Variants in KCNIP1 observed in about 807,000 individuals in gnomAD.
KCNIP1 encodes the protein potassium voltage-gated channel interacting protein 1.
Under a neutral mutation model 33.0 loss-of-function variants are expected in KCNIP1, and 18 were observed. That is an observed-to-expected ratio of 0.55 (90% confidence interval 0.38 to 0.81). The LOEUF is 0.81. Ranked by LOEUF, KCNIP1 falls within the 30% of genes least tolerant of loss-of-function variation. The pLI, the probability that KCNIP1 is intolerant of heterozygous loss-of-function variation, is 0.00. For synonymous variants in KCNIP1, 93 were observed against 98.3 expected (o/e 0.95, Z 0.32); for missense variants, 238 against 271.6 (o/e 0.88, Z 0.87).
At chr5:170,701,700 G>C (rs1385902535) in intron 1 of KCNIP1, among the ~76,000 whole-genome samples, 1 of 152,180 alleles carries the variant, frequency 6.6e-6, no homozygotes, top group Non-Finnish European at 1.5e-5. Context: ...CCATGAGTGG[G>C]GAGGAAACTC....
chr5:170,617,835 C>T (rs916969767), intron 1 of KCNIP1, among the ~76,000 whole-genome samples: 11 of 152,178 alleles, frequency 7.2e-5, no homozygotes, highest in Non-Finnish European at 1.3e-4. Flanking sequence ...ATTCTCTGTG[C>T]AGTGAATGGC....
intron 1 of KCNIP1, among the ~76,000 whole-genome samples, chr5:170,419,656 C>T (rs183398): frequency 0.74 from 111,838 of 152,118 alleles, 42,012 homozygotes; most frequent in African/African-American, 0.9. Flanking sequence ...GCTTAATATA[C>T]GTGATCTCAT....
At chr5:170,529,197 C>G (rs2042226) in intron 1 of KCNIP1, among the ~76,000 whole-genome samples, 40,569 of 152,086 alleles carry the variant, frequency 0.27, 6,662 homozygotes, top group African/African-American at 0.46. Context: ...TCTGTCTCAG[C>G]TCTGCTCTCT....
intron 1 of KCNIP1, among the ~76,000 whole-genome samples, chr5:170,671,134 A>AAC (rs1302870838): frequency 3.3e-5 from 5 of 152,082 alleles, no homozygotes; most frequent in East Asian, 1.9e-4. Flanking sequence ...GATGGTTTAA[A>AAC]ACACACACAC....
intron 1 of KCNIP1, among the ~76,000 whole-genome samples, chr5:170,476,939 C>A (rs1756869196): frequency 6.6e-6 from 1 of 152,130 alleles, no homozygotes; most frequent in Non-Finnish European, 1.5e-5. Context: ...AAGAGTGAAT[C>A]CTAATGTAAA....
At chr5:170,628,673 A>T (rs769597503) in intron 1 of KCNIP1, among the ~76,000 whole-genome samples, 8 of 152,200 alleles carry the variant, frequency 5.3e-5, no homozygotes, top group Non-Finnish European at 8.8e-5. Context: ...CTCTGAAGGC[A>T]TGATTGAATG....
At chr5:170,436,999 G>A (rs769027525) in intron 1 of KCNIP1, among the ~76,000 whole-genome samples, 13 of 152,240 alleles carry the variant, frequency 8.5e-5, no homozygotes, top group Non-Finnish European at 1.5e-4. Context: ...TGGGAGCCTT[G>A]AGAAATGAAG....
chr5:170,365,851 G>A (rs1034468890), intron 1 of KCNIP1, among the ~76,000 whole-genome samples: 8 of 152,212 alleles, frequency 5.3e-5, no homozygotes, highest in Admixed American at 2.6e-4. Context: ...TTAAAGTAAC[G>A]CACTTAAAAG....
chr5:170,514,328 G>A (rs1372385226), intron 1 of KCNIP1, among the ~76,000 whole-genome samples: 2 of 152,108 alleles, frequency 1.3e-5, no homozygotes, highest in African/African-American at 2.4e-5. Flanking sequence ...TCTGGGATTC[G>A]CCCATGTATG....
intron 5 of KCNIP1, among the ~76,000 whole-genome samples, chr5:170,723,956 G>C (rs755193883): frequency 6.6e-6 from 1 of 152,196 alleles, no homozygotes; most frequent in Non-Finnish European, 1.5e-5. Context: ...AAGGTATGAA[G>C]CTGAAGACTA....
rs542887614 is a variant in KCNIP1, at chr5:170,412,188, T to G, written c.88+58224T>G. Among the ~76,000 whole-genome samples the G allele has an allele frequency of 1.9e-4, 29 of 152,228 alleles. No homozygotes were observed. The South Asian group carries it at 5.2e-3, about 27-fold the overall frequency. On this transcript the variant is annotated intron_variant, in intron 1 of 7. Transcript: ENST00000377360. ...CTCTACCCAGCCCACCAATACAGTTTAGTTGACTTGTGGCCCCACCAGTCA... is the reference window on the plus strand; with the variant it reads ...CTCTACCCAGCCCACCAATACAGTTGAGTTGACTTGTGGCCCCACCAGTCA...
At chr5:170,411,911 C>T (rs1220473497) in intron 1 of KCNIP1, among the ~76,000 whole-genome samples, 2 of 152,028 alleles carry the variant, frequency 1.3e-5, no homozygotes, top group Non-Finnish European at 2.9e-5. Context: ...AAGGAAGGCT[C>T]CCAGGGTAGA....
chr5:170,707,284 C>T (rs1479107644), intron 1 of KCNIP1, among the ~76,000 whole-genome samples: 2 of 152,128 alleles, frequency 1.3e-5, no homozygotes, highest in South Asian at 2.1e-4. Context: ...TTCTGCCTTG[C>T]AGCCTGGCCA....
chr5:170,659,255 C>G (rs1345503957), intron 1 of KCNIP1, among the ~76,000 whole-genome samples: 1 of 152,082 alleles, frequency 6.6e-6, no homozygotes, highest in Non-Finnish European at 1.5e-5. Context: ...TTGCTTTGCT[C>G]TCTTTGTGGT....
At chr5:170,535,566 C>A (rs1046147114) in intron 1 of KCNIP1, among the ~76,000 whole-genome samples, 1 of 152,108 alleles carries the variant, frequency 6.6e-6, no homozygotes, top group African/African-American at 2.4e-5. Flanking sequence ...TCCTGCTTGG[C>A]CCCAAACTCT....
intron 5 of KCNIP1, among the ~76,000 whole-genome samples, chr5:170,727,199 G>A (rs1011414355): frequency 9.2e-5 from 14 of 152,178 alleles, no homozygotes; most frequent in Admixed American, 2.6e-4. Flanking sequence ...GAAGCCAGAC[G>A]CAAATGAGTT....
intron 1 of KCNIP1, among the ~76,000 whole-genome samples, chr5:170,643,731 A>G (rs932826807): frequency 2.6e-5 from 4 of 152,166 alleles, no homozygotes; most frequent in Admixed American, 6.5e-5. Flanking sequence ...CTCCATCCCC[A>G]CAGTGGGACG....
intron 1 of KCNIP1, among the ~76,000 whole-genome samples, chr5:170,610,707 T>C (rs1013922): frequency 0.78 from 118,158 of 152,138 alleles, 46,346 homozygotes; most frequent in Non-Finnish European, 0.81. Context: ...CTGTAAAAAT[T>C]CAATGGGCTA....
At chr5:170,508,605 T>C (rs1754805531) in intron 1 of KCNIP1, among the ~76,000 whole-genome samples, 1 of 152,244 alleles carries the variant, frequency 6.6e-6, no homozygotes, top group Admixed American at 6.5e-5. Context: ...AGTTTCTTTA[T>C]CTGCAAAAGG....
Sources: gnomAD v4.1 joint callset for allele counts (sites outside exome capture counted in the v4.1 genomes callset) on GRCh38, gnomAD v4.1.1 for gene constraint, MANE v1.5 for transcripts, NCBI Gene and HGNC (gene_info 2026-07-23, HGNC 2026-07-21) for gene names.